The following HACE1 variants were observed in gnomAD, a reference collection of about 807,000 sequenced individuals.
The protein encoded by HACE1 is E3 ubiquitin-protein ligase HACE1.
A neutral mutation model predicts 118.4 loss-of-function variants in HACE1; 73 were observed. That is an observed-to-expected ratio of 0.62 (90% CI 0.51 to 0.75). The LOEUF (loss-of-function observed/expected upper bound fraction) is 0.75. Ranked by LOEUF, HACE1 falls within the 30% of genes least tolerant of loss-of-function variation. HACE1 has a pLI of 0.00. For missense variants in HACE1, 749 were observed against 1,102.2 expected (o/e 0.68, Z 4.54); for synonymous variants, 368 against 374.8 (o/e 0.98, Z 0.21).
chr6:104,785,878 G>A (rs1562366471), intron 11 of HACE1: 1 of 152,598 alleles, frequency 6.6e-6, no homozygotes, highest in Non-Finnish European at 1.5e-5. Flanking sequence ...TTTTTACTGT[G>A]CTCCTTTCAT....
intron 19 of HACE1, among the ~76,000 whole-genome samples, chr6:104,763,658 C>T (rs1562315884): frequency 1.3e-5 from 2 of 152,006 alleles, no homozygotes; most frequent in South Asian, 4.1e-4. Flanking sequence ...GTAGCTACAG[C>T]AGCACAGAGG....
chr6:104,743,490 T>C (rs1161164583), intron 22 of HACE1, among the ~76,000 whole-genome samples: 1 of 151,998 alleles, frequency 6.6e-6, no homozygotes, highest in Non-Finnish European at 1.5e-5. Context: ...AGGAGAAATA[T>C]GTACATTTAT....
rs765359328 is a variant in HACE1, at chr6:104,785,189, G to A, written c.1205C>T (p.Ala402Val). Reference protein sequence around the residue: ...LLKQKGQDQDAASIPPFEPPG... With the variant: ...LLKQKGQDQDVASIPPFEPPG... Reference sequence around the variant, plus strand: ...AGGTTCAAATGGAGGAATGGAAGCAGCATCTTGATCTTGGCCTTTTTGTTT... The same window carrying A: ...AGGTTCAAATGGAGGAATGGAAGCAACATCTTGATCTTGGCCTTTTTGTTT... Residue 402 changes from alanine (A) to valine (V), a missense_variant, in exon 12 of 24, where the codon GCT becomes GTT. This residue lies in a region of HACE1 where 267 missense variants were observed against 312.2 expected (regional missense o/e 0.86). Coordinates refer to ENST00000262903, the MANE Select transcript of HACE1 (RefSeq NM_020771.4). The A allele has an allele frequency of 6.2e-7, 1 of 1,613,882 alleles. No homozygotes were observed. Among genetic ancestry groups the A allele is most frequent in the Admixed American group, 1.7e-5 (1 of 60,002 alleles).
At chr6:104,788,656 G>T (rs1782687516) in intron 11 of HACE1, among the ~76,000 whole-genome samples, 1 of 151,976 alleles carries the variant, frequency 6.6e-6, no homozygotes, top group Non-Finnish European at 1.5e-5. Flanking sequence ...ACCATTAATA[G>T]TCACAGCTTA....
chr6:104,799,116 T>C (rs1197318312), intron 7 of HACE1, among the ~76,000 whole-genome samples: 1 of 152,216 alleles, frequency 6.6e-6, no homozygotes, highest in African/African-American at 2.4e-5. Flanking sequence ...ATTTAGGATA[T>C]ACTAGGTAAC....
At chr6:104,757,918 G>T (rs543048807) in intron 19 of HACE1, among the ~76,000 whole-genome samples, 8 of 152,082 alleles carry the variant, frequency 5.3e-5, no homozygotes, top group Non-Finnish European at 1.2e-4. Context: ...TCCAATAGCC[G>T]ATTCGATCAA....
rs139124821 is a variant in HACE1, at chr6:104,743,009, G to A, written c.2513+1151C>T. 1.1e-4 allele frequency among the ~76,000 whole-genome samples: 17 copies of A among 152,172 alleles called. No homozygotes were observed. In the East Asian group the frequency reaches 2.1e-3, roughly 19 times the overall value. On this transcript the variant is annotated intron_variant, in intron 22 of 23. Transcript: ENST00000262903. The stretch of plus-strand genomic sequence containing the variant: ...AAAAAATGATGAGTTCATGTTCTTC[G>A]TAGGGACATGGATGAAATTGGAAAT...
intron 17 of HACE1, 108 bp downstream of exon 17, chr6:104,776,633 T>C (rs1781249595): frequency 2.6e-6 from 2 of 755,264 alleles, no homozygotes; most frequent in Non-Finnish European, 4.8e-6. Flanking sequence ...AATAAGAATA[T>C]CCCACCTAGC....
chr6:104,852,192 A>G, intron 2 of HACE1, 125 bp downstream of exon 2: 2 of 591,994 alleles, frequency 3.4e-6, no homozygotes, highest in South Asian at 2.0e-5. Context: ...ATCTATGTCC[A>G]AACTGTCTGT....
At chr6:104,788,319 A>C (rs1437540256) in intron 11 of HACE1, among the ~76,000 whole-genome samples, 1 of 152,066 alleles carries the variant, frequency 6.6e-6, no homozygotes, top group Non-Finnish European at 1.5e-5. Flanking sequence ...TTATTGAGTG[A>C]TCCTTACTGA....
At position 104,785,547 on chromosome 6, in the gene HACE1, T is replaced by C. The variant is rs6931494; in HGVS notation, c.1075-228A>G. On this transcript the variant is annotated intron_variant, in intron 11 of 23. Coordinates refer to ENST00000262903, the MANE Select transcript of HACE1 (RefSeq NM_020771.4). The stretch of plus-strand genomic sequence containing the variant: ...ATGGCAATAATTTAATTTGTATGTA[T>C]GTATTCCTTGTAATAAAAAGGAAAA... 5.1e-4 allele frequency: 235 copies of C among 457,518 alleles called. 1 individual carries two copies. Among genetic ancestry groups the C allele is most frequent in the African/African-American group, 4.3e-3 (221 of 50,852 alleles). The allele number at this position is 457,518 out of a possible 1,614,324, so 28.3% of individuals were successfully genotyped here.
intron 22 of HACE1, among the ~76,000 whole-genome samples, chr6:104,741,010 G>A (rs1229041612): frequency 3.1e-4 from 41 of 131,448 alleles, no homozygotes; most frequent in Non-Finnish European, 5.4e-4. Context: ...TTCAATATAC[G>A]CAAATCAATA....
At chr6:104,742,435 A>T (rs1277733531) in intron 22 of HACE1, among the ~76,000 whole-genome samples, 2 of 151,248 alleles carry the variant, frequency 1.3e-5, no homozygotes, top group Non-Finnish European at 2.9e-5. Flanking sequence ...TAATATCCAG[A>T]ATCTAGAATG....
chr6:104,797,993 G>A (rs1769867097), intron 7 of HACE1, among the ~76,000 whole-genome samples: 1 of 151,436 alleles, frequency 6.6e-6, no homozygotes, highest in Non-Finnish European at 1.5e-5. Flanking sequence ...ACTTGAACCC[G>A]GGAGGCAGAA....
At chr6:104,771,514 G>T in intron 18 of HACE1, 125 bp from the exon 19 acceptor site, 1 of 639,858 alleles carries the variant, frequency 1.6e-6, no homozygotes, top group Non-Finnish European at 2.8e-6. Context: ...CCTACACACA[G>T]CATATTTTAA....
chr6:104,762,449 A>T (rs1052261494), intron 19 of HACE1, among the ~76,000 whole-genome samples: 1 of 152,170 alleles, frequency 6.6e-6, no homozygotes, highest in South Asian at 2.1e-4. Flanking sequence ...TATCACAAGG[A>T]CAGAAAACCA....
At chr6:104,740,377 G>A (rs1263549092) in intron 22 of HACE1, among the ~76,000 whole-genome samples, 46 of 151,682 alleles carry the variant, frequency 3.0e-4, no homozygotes, top group South Asian at 6.3e-4. Context: ...ATGAATCCAG[G>A]AGGTGGTTTT....
chr6:104,825,156 G>C (rs926926438), intron 6 of HACE1, among the ~76,000 whole-genome samples: 1 of 151,918 alleles, frequency 6.6e-6, no homozygotes, highest in Admixed American at 6.6e-5. Context: ...TCCTGCATTT[G>C]AGTGGTTTTG....
intron 4 of HACE1, among the ~76,000 whole-genome samples, chr6:104,847,735 A>G (rs1775795755): frequency 6.6e-6 from 1 of 152,090 alleles, no homozygotes; most frequent in African/African-American, 2.4e-5. Context: ...ATAGGAAACA[A>G]AAACATCTTC....
Sources: allele counts gnomAD v4.1 joint callset (sites outside exome capture counted in the v4.1 genomes callset), GRCh38; gene constraint gnomAD v4.1.1; regional missense constraint gnomAD v4.1.1; transcripts MANE v1.5; gene names NCBI Gene and HGNC (gene_info 2026-07-23, HGNC 2026-07-21).